COPS9: variants seen among roughly 807,000 people sequenced by gnomAD.
The protein encoded by COPS9 is COP9 signalosome subunit 9, also known as COP9 signalosome complex subunit 9.
In COPS9, 8 loss-of-function variants were observed where a neutral mutation model predicts 7.2. The observed-to-expected ratio is 1.11, with a 90% CI of 0.65 to 2.00. The LOEUF (loss-of-function observed/expected upper bound fraction) is 2.00, where lower values mean the gene tolerates loss of function less well. COPS9 is among the 30% of genes most tolerant of loss of function. The probability of loss-of-function intolerance (pLI) is 0.00; values close to 1 mark genes in which losing one functional copy is unlikely to be tolerated. For missense variants in COPS9, 74 were observed against 77.7 expected (o/e 0.95, Z 0.18); for synonymous variants, 39 against 28.7 (o/e 1.36, Z -1.14).
chr2:240,131,392 G>A (rs924617355), intron 2 of COPS9, among the ~76,000 whole-genome samples: 1 of 152,200 alleles, frequency 6.6e-6, no homozygotes, highest in Non-Finnish European at 1.5e-5. Context: ...TCAGCACTCA[G>A]GACACGCCAG....
chr2:240,128,140 C>T (rs1040339732), downstream of COPS9, among the ~76,000 whole-genome samples: 13 of 152,204 alleles, frequency 8.5e-5, no homozygotes, highest in Non-Finnish European at 1.6e-4. Context: ...AGAAGGTGGG[C>T]GAATCACAGA....
rs528513965 is a variant in COPS9 at position 240,133,915 on chromosome 2, C to T, written c.136+18G>A. 1.2e-6 allele frequency: 2 copies of T among 1,612,436 alleles called. No homozygotes were observed. The highest frequency in any genetic ancestry group is 2.2e-5 in the South Asian group (2 of 90,894). On this transcript the variant is annotated intron_variant, in intron 2 of 2. Coordinates refer to ENST00000607357, the MANE Select transcript of COPS9 (RefSeq NM_001163424.2). ...AATATTCAGATTAAATCTGGCATCC[C>T]ATTCCAAGCATCCTTACCGTTAAAA...
At chr2:240,136,192 G>C in intron 1 of COPS9, 30 bp downstream of exon 1, 1 of 1,430,952 alleles carries the variant, frequency 7.0e-7, no homozygotes, top group South Asian at 1.3e-5. Flanking sequence ...CGCTCCCCAC[G>C]CTCGGAGACT....
chr2:240,129,855 C>T (rs1303336271), downstream of COPS9: 9 of 1,481,634 alleles, frequency 6.1e-6, no homozygotes, highest in Middle Eastern at 1.8e-4. Context: ...AGAAACAAAG[C>T]GGCAGCCTCA....
In COPS9 at chr2:240,132,071, C is replaced by G. The variant is rs1429000821; in HGVS notation, c.137-983G>C. 6.6e-6 allele frequency among the ~76,000 whole-genome samples: 1 copy of G among 152,194 alleles called. No homozygotes were observed. Among genetic ancestry groups the G allele is most frequent in the East Asian group, 1.9e-4 (1 of 5,188 alleles). On this transcript the variant is annotated intron_variant, in intron 2 of 2. Coordinates refer to ENST00000607357, the MANE Select transcript of COPS9 (RefSeq NM_001163424.2). The surrounding 1 kb of genome is among the most constrained non-coding windows in gnomAD (Gnocchi z 4.1). ...GGAGCACTTTTGCGCAGTCCTGGGC[C>G]TGGCTGACTCCACACCTTCCGACCT...
chr2:240,135,176 G>C (rs1173463602), intron 1 of COPS9, among the ~76,000 whole-genome samples: 1 of 151,986 alleles, frequency 6.6e-6, no homozygotes, highest in South Asian at 2.1e-4. Context: ...CATGTTAAAC[G>C]ACACAACATT....
intron 2 of COPS9, among the ~76,000 whole-genome samples, chr2:240,133,081 C>A (rs1231661002): frequency 6.6e-6 from 1 of 152,204 alleles, no homozygotes; most frequent in African/African-American, 2.4e-5. Context: ...GCAGCAGGGA[C>A]TCAGGATGGC....
At chr2:240,126,933 T>C, downstream of COPS9, 1 of 1,612,508 alleles carries the variant, frequency 6.2e-7, no homozygotes, top group East Asian at 2.2e-5. Context: ...CCCGTTCAGT[T>C]CACATCTCTG....
chr2:240,135,905 A>T (rs2071972775), intron 1 of COPS9: 1 of 398,144 alleles, frequency 2.5e-6, no homozygotes, highest in African/African-American at 2.1e-5. Flanking sequence ...GCCATCGAAG[A>T]GCAGCAAACG....
chr2:240,133,350 T>TA (rs1221115849), intron 2 of COPS9, among the ~76,000 whole-genome samples: 9 of 152,252 alleles, frequency 5.9e-5, no homozygotes, highest in Admixed American at 5.9e-4. Flanking sequence ...CTGAAGATGT[T>TA]ACAGAAAATT....
downstream of COPS9, among the ~76,000 whole-genome samples, chr2:240,127,899 C>T (rs928601540): frequency 6.6e-5 from 10 of 152,070 alleles, no homozygotes; most frequent in Admixed American, 2.0e-4. Context: ...GGATTCACTG[C>T]CCCCCAAGTG....
chr2:240,127,551 C>T (rs2071879181), downstream of COPS9, among the ~76,000 whole-genome samples: 1 of 152,156 alleles, frequency 6.6e-6, no homozygotes, highest in South Asian at 2.1e-4. Context: ...TCACCCCCAA[C>T]CCCCAGGTGA....
In COPS9 at chr2:240,136,237, G is replaced by A. The variant is rs754613618; in HGVS notation, c.48C>T (p.Tyr16=). The A allele has an allele frequency of 6.4e-7, 1 of 1,562,930 alleles. No homozygotes were observed. ...CCCGTGCCACCTCGTCCAGGTCCAC[G>A]TAGGGCCCGGCGCCCTCGGGGAACA... ...DEMFPEGAGP[Y]VDLDEAGGST... The change falls in exon 1 of 3, where the codon TAC becomes TAT. Residue 16 remains tyrosine (Y), a synonymous_variant. Coordinates refer to ENST00000607357, the MANE Select transcript of COPS9 (RefSeq NM_001163424.2).
downstream of COPS9, among the ~76,000 whole-genome samples, chr2:240,128,958 G>C (rs2071893510): frequency 6.6e-6 from 1 of 152,224 alleles, no homozygotes; most frequent in Non-Finnish European, 1.5e-5. Flanking sequence ...TATTCACAAA[G>C]CAGCTTAGAC....
At chr2:240,129,294 C>G (rs116626942), downstream of COPS9, among the ~76,000 whole-genome samples, 555 of 152,336 alleles carry the variant, frequency 3.6e-3, 4 homozygotes, top group Non-Finnish European at 5.8e-3. Context: ...TCCCAAACAG[C>G]TAGGACTATA....
downstream of COPS9, chr2:240,130,809 A>G: frequency 1.4e-6 from 2 of 1,384,980 alleles, no homozygotes; most frequent in Non-Finnish European, 1.9e-6. Context: ...TAAGTGCAAG[A>G]AAGAGATCAC....
downstream of COPS9, among the ~76,000 whole-genome samples, chr2:240,128,823 T>C (rs1172712821): frequency 6.6e-6 from 1 of 152,142 alleles, no homozygotes; most frequent in Non-Finnish European, 1.5e-5. Context: ...CAGGTGGCAA[T>C]GCTCGTGGCC....
chr2:240,130,016 C>A, downstream of COPS9: 2 of 1,613,042 alleles, frequency 1.2e-6, no homozygotes, highest in Non-Finnish European at 1.7e-6. Flanking sequence ...TTGTCCTGGG[C>A]AGTCCTGAGC....
intron 2 of COPS9, among the ~76,000 whole-genome samples, chr2:240,133,500 G>A (rs934249296): frequency 1.3e-5 from 2 of 152,218 alleles, no homozygotes; most frequent in Admixed American, 6.5e-5. Flanking sequence ...TGCAAAGGCA[G>A]CTGAGGGCAT....
Sources: gnomAD v4.1 joint callset for allele counts (sites outside exome capture counted in the v4.1 genomes callset) on GRCh38, gnomAD v4.1.1 for gene constraint, Gnocchi (gnomAD v3.1) non-coding constraint, MANE v1.5 for transcripts, NCBI Gene and HGNC (gene_info 2026-07-23, HGNC 2026-07-21) for gene names.